The following ZMAT4 variants were observed in gnomAD, a reference collection of about 807,000 sequenced individuals.
The protein encoded by ZMAT4 is zinc finger matrin-type protein 4.
In ZMAT4, 17 loss-of-function variants were observed where a neutral mutation model predicts 28.7. That is an observed-to-expected ratio of 0.59 (90% CI 0.41 to 0.89). The LOEUF (loss-of-function observed/expected upper bound fraction) is 0.89. Among genes scored for constraint, ZMAT4 ranks in the 40% least tolerant of loss-of-function variants. ZMAT4 has a pLI of 0.00. For missense variants in ZMAT4, 240 were observed against 283.8 expected, an observed-to-expected ratio of 0.85 and a Z score of 1.11; for synonymous variants, 117 against 109.2, an observed-to-expected ratio of 1.07 and a Z score of -0.44.
intron 5 of ZMAT4, among the ~76,000 whole-genome samples, chr8:40,663,101 T>C (rs1255195955): frequency 6.6e-6 from 1 of 152,200 alleles, no homozygotes; most frequent in Non-Finnish European, 1.5e-5. Context: ...CAAGGCCATT[T>C]ACAATTTGGT....
intron 1 of ZMAT4, among the ~76,000 whole-genome samples, chr8:40,837,710 C>A (rs902491631): frequency 6.6e-6 from 1 of 152,168 alleles, no homozygotes; most frequent in East Asian, 1.9e-4. Flanking sequence ...AGGTCAGTAC[C>A]GCTCGATTTC....
rs555416930 is a variant in ZMAT4 at position 40,573,864 on chromosome 8, A to C, written c.674+7301T>G. Among the ~76,000 whole-genome samples the C allele has an allele frequency of 5.3e-5, 8 of 152,334 alleles. No homozygotes were observed. In the South Asian group the frequency reaches 1.7e-3, roughly 32 times the overall value. ...ATTGAGAAAAGATTTGTCAGTGTAC[A>C]AGGCCACTGAGTGGCAAAGTCACAA... On this transcript the variant is annotated intron_variant, in intron 6 of 6. Coordinates refer to ENST00000297737, the MANE Select transcript of ZMAT4 (RefSeq NM_024645.3).
intron 5 of ZMAT4, among the ~76,000 whole-genome samples, chr8:40,636,248 G>C (rs751806778): frequency 6.6e-5 from 10 of 152,174 alleles, no homozygotes; most frequent in Admixed American, 2.0e-4. Flanking sequence ...TTTTCATCTT[G>C]AGAAACTGGC....
intron 6 of ZMAT4, among the ~76,000 whole-genome samples, chr8:40,538,575 A>G (rs1802922578): frequency 6.6e-6 from 1 of 152,106 alleles, no homozygotes; most frequent in Non-Finnish European, 1.5e-5. Flanking sequence ...TTTGTCGACG[A>G]CAACATATTA....
At chr8:40,547,615 CTTTTA>C (rs1226873060) in intron 6 of ZMAT4, among the ~76,000 whole-genome samples, 1 of 152,096 alleles carries the variant, frequency 6.6e-6, no homozygotes, top group Non-Finnish European at 1.5e-5. Context: ...GCTGGGCACT[CTTTTA>C]TTTTATTTTT....
At chr8:40,651,699 A>C (rs1471399035) in intron 5 of ZMAT4, among the ~76,000 whole-genome samples, 2 of 151,998 alleles carry the variant, frequency 1.3e-5, no homozygotes, top group Non-Finnish European at 2.9e-5. Flanking sequence ...TACAGTAACC[A>C]AAACAGCATG....
intron 5 of ZMAT4, among the ~76,000 whole-genome samples, chr8:40,633,070 G>A (rs1190905757): frequency 6.6e-6 from 1 of 151,938 alleles, no homozygotes; most frequent in Non-Finnish European, 1.5e-5. Flanking sequence ...GGCTGGGAGG[G>A]TAGGTTTGGA....
intron 2 of ZMAT4, among the ~76,000 whole-genome samples, chr8:40,805,490 G>A (rs1174465327): frequency 1.2e-4 from 17 of 146,266 alleles, no homozygotes; most frequent in Admixed American, 4.1e-4. Context: ...ACATGCACAC[G>A]TATGTTTATT....
rs1804840302 is a variant in ZMAT4 at position 40,590,127 on chromosome 8, C to A, written c.578-8866G>T. On this transcript the variant is annotated intron_variant, in intron 5 of 6. Coordinates refer to ENST00000297737, the MANE Select transcript of ZMAT4 (RefSeq NM_024645.3). Reference sequence around the variant, plus strand: ...CTCGAACTCCAGGGCTCAAGCATGACTCCTCCCTCAGCCTCCTTAGTATTC... The same window carrying A: ...CTCGAACTCCAGGGCTCAAGCATGAATCCTCCCTCAGCCTCCTTAGTATTC... Among the ~76,000 whole-genome samples, 3 of 151,384 alleles carry A rather than the reference C, an allele frequency of 2.0e-5. No homozygotes were observed. The Admixed American group carries it at 2.0e-4, about 10-fold the overall frequency.
chr8:40,763,911 T>C (rs776388822), intron 3 of ZMAT4, among the ~76,000 whole-genome samples: 4 of 152,090 alleles, frequency 2.6e-5, no homozygotes, highest in Non-Finnish European at 4.4e-5. Context: ...CACATAAAAA[T>C]ACTGTTTACT....
chr8:40,794,128 T>C (rs574062975), intron 2 of ZMAT4, among the ~76,000 whole-genome samples: 6 of 152,324 alleles, frequency 3.9e-5, no homozygotes, highest in South Asian at 2.1e-4. Context: ...CAAACATAAA[T>C]ATCATTTAAT....
rs77507520 is a variant in ZMAT4 at position 40,612,716 on chromosome 8, A to T, written c.578-31455T>A. Among the ~76,000 whole-genome samples, 6 of 134,732 alleles carry T rather than the reference A, an allele frequency of 4.5e-5. 1 individual carries two copies. In the South Asian group the frequency reaches 1.2e-3, roughly 26 times the overall value. 88.4% of individuals were successfully genotyped at this position (134,732 alleles called of 152,430 possible). On this transcript the variant is annotated intron_variant, in intron 5 of 6. Coordinates refer to ENST00000297737, the MANE Select transcript of ZMAT4 (RefSeq NM_024645.3). Reference sequence around the variant, plus strand: ...CATCTGTGCTACCTCATTCTACTCAATCCCCTCCCCTACCTCCCTAAAAAC... The same window carrying T: ...CATCTGTGCTACCTCATTCTACTCATTCCCCTCCCCTACCTCCCTAAAAAC...
chr8:40,719,564 G>A (rs978406752), intron 3 of ZMAT4, among the ~76,000 whole-genome samples: 2 of 151,968 alleles, frequency 1.3e-5, no homozygotes, highest in African/African-American at 4.8e-5. Context: ...GGCACTCAAG[G>A]CCCTTTTTTT....
intron 5 of ZMAT4, among the ~76,000 whole-genome samples, chr8:40,643,395 T>C (rs1226546809): frequency 6.6e-6 from 1 of 152,222 alleles, no homozygotes; most frequent in Non-Finnish European, 1.5e-5. Context: ...GAAAACCATA[T>C]TTCTTTAGAA....
intron 4 of ZMAT4, among the ~76,000 whole-genome samples, chr8:40,681,892 G>T (rs77074934): frequency 6.6e-6 from 1 of 151,536 alleles, no homozygotes; most frequent in African/African-American, 2.4e-5. Flanking sequence ...AAAAAAAAAA[G>T]ATATGTTTTA....
At chr8:40,706,546 T>C (rs1371963978) in intron 3 of ZMAT4, among the ~76,000 whole-genome samples, 1 of 152,178 alleles carries the variant, frequency 6.6e-6, no homozygotes, top group Non-Finnish European at 1.5e-5. Context: ...GCCGAATTCA[T>C]GGACACACTG....
At chr8:40,817,847 C>T (rs1815605414) in intron 2 of ZMAT4, among the ~76,000 whole-genome samples, 1 of 152,132 alleles carries the variant, frequency 6.6e-6, no homozygotes, top group Non-Finnish European at 1.5e-5. Flanking sequence ...GAAGGGCAGA[C>T]CATGATAGAG....
intron 1 of ZMAT4, among the ~76,000 whole-genome samples, chr8:40,894,065 A>G (rs1411257423): frequency 6.6e-6 from 1 of 152,258 alleles, no homozygotes; most frequent in Non-Finnish European, 1.5e-5. Context: ...CTGAGAGCAC[A>G]GCAGGCAAAT....
intron 5 of ZMAT4, among the ~76,000 whole-genome samples, chr8:40,611,777 A>T (rs1188855799): frequency 2.0e-5 from 3 of 152,238 alleles, no homozygotes; most frequent in Non-Finnish European, 4.4e-5. Context: ...GAACACTAGT[A>T]AGGGAGATCG....
Sources: allele counts gnomAD v4.1 joint callset (sites outside exome capture counted in the v4.1 genomes callset), GRCh38; gene constraint gnomAD v4.1.1; transcripts MANE v1.5; gene names NCBI Gene and HGNC (gene_info 2026-07-23, HGNC 2026-07-21).